HEXB: variants seen among roughly 807,000 people sequenced by gnomAD.
The protein encoded by HEXB is hexosaminidase subunit beta.
HEXB carries 51 observed loss-of-function variants against 71.2 expected under a neutral mutation model. The ratio of observed to expected loss-of-function variants is 0.72; its 90% CI spans 0.57 to 0.90. The LOEUF is 0.90. Ranked by LOEUF, HEXB falls within the 40% of genes least tolerant of loss-of-function variation. The pLI, the probability that HEXB is intolerant of heterozygous loss-of-function variation, is 0.00. For missense variants in HEXB, 617 were observed against 677.0 expected (o/e 0.91, Z 0.98); for synonymous variants, 266 against 249.3 (o/e 1.07, Z -0.63).
chr5:74,702,239 T>C (rs820836), intron 5 of HEXB, among the ~76,000 whole-genome samples: 128,717 of 148,816 alleles, frequency 0.86, 55,947 homozygotes, highest in Non-Finnish European at 0.9. Flanking sequence ...CCACTACGCC[T>C]GGCTAATTTT....
chr5:74,651,438 T>C (rs60248850), intron 1 of HEXB, among the ~76,000 whole-genome samples: 22,559 of 152,198 alleles, frequency 0.15, 2,117 homozygotes, highest in African/African-American at 0.26. Flanking sequence ...ATGCCCTTTG[T>C]TCTATACTCG....
At chr5:74,675,159 G>T (rs549096715) in intron 1 of HEXB, among the ~76,000 whole-genome samples, 1 of 152,308 alleles carries the variant, frequency 6.6e-6, no homozygotes, top group Non-Finnish European at 1.5e-5. Context: ...TCAGTGGATG[G>T]CAATTTATTA....
At chr5:74,648,336 T>C (rs1748038532) in intron 1 of HEXB, among the ~76,000 whole-genome samples, 1 of 152,208 alleles carries the variant, frequency 6.6e-6, no homozygotes, top group African/African-American at 2.4e-5. Context: ...AAAAAACATA[T>C]TTACTTTTGT....
At position 74,670,201 on chromosome 5, in the gene HEXB, T is replaced by G. The variant is rs540405791; in HGVS notation, c.-376-19127T>G. Among the ~76,000 whole-genome samples the G allele has an allele frequency of 3.7e-4, 56 of 151,812 alleles. 3 individuals carry two copies. In the South Asian group the frequency reaches 0.011, roughly 29 times the overall value. ...TCCCTAACTGGTTTTTTTTGTACAC[T>G]CTCATGCCCACCTGTGAGTGGTGCC... is the stretch of plus-strand genomic sequence containing the variant. On this transcript the variant is annotated intron_variant, in intron 1 of 13. Coordinates refer to the HEXB transcript ENST00000511181.
At chr5:74,644,202 C>A (rs372945768) in intron 1 of HEXB, among the ~76,000 whole-genome samples, 1 of 152,234 alleles carries the variant, frequency 6.6e-6, no homozygotes, top group Non-Finnish European at 1.5e-5. Flanking sequence ...CTCAGCCAAG[C>A]CTTGGCTGAC....
At position 74,689,485 on chromosome 5, in the gene HEXB, T is replaced by G. The variant is rs759628405; in HGVS notation, c.445+12T>G. On this transcript the variant is annotated intron_variant, in intron 2 of 13. Transcript: ENST00000261416. ...TTCAGATGAGTCTTGTAAGTACCTA[T>G]GCAATGTGAGTGTATTATATCCCAG... 8 of 1,611,086 alleles carry G rather than the reference T, an allele frequency of 5.0e-6. No homozygotes were observed. The highest frequency in any genetic ancestry group is 6.8e-6 in the Non-Finnish European group (8 of 1,177,212).
chr5:74,673,001 AT>A (rs35317043), intron 1 of HEXB, among the ~76,000 whole-genome samples: 2 of 151,734 alleles, frequency 1.3e-5, no homozygotes, highest in Admixed American at 6.6e-5. Context: ...ATGGATTCAG[AT>A]TTTTTTTTCT....
In HEXB at chr5:74,652,118, C is replaced by T. The variant is rs2112075925; in HGVS notation, c.-377+11560C>T. Among the ~76,000 whole-genome samples the T allele has an allele frequency of 6.6e-6, 1 of 152,316 alleles. No individual in the cohort carries two copies. The highest frequency in any genetic ancestry group is 6.5e-5 in the Admixed American group (1 of 15,306). ...TACGTGGAAATTAAAATGATGAACT[C>T]TTTTACGTGAGTAGGTAATACATAT... On this transcript the variant is annotated intron_variant, in intron 1 of 13. Transcript: ENST00000511181. This position sits in a 1 kb window ranked among gnomAD's most constrained non-coding sequence, Gnocchi z 5.4.
intron 5 of HEXB, among the ~76,000 whole-genome samples, chr5:74,699,423 C>T (rs1561219440): frequency 6.6e-6 from 1 of 151,822 alleles, no homozygotes; most frequent in Non-Finnish European, 1.5e-5. Context: ...TACAGGTGCC[C>T]ACCACCACAC....
chr5:74,679,798 C>CAAAAAAAAAAAAAAAAAA (rs70976121), intron 1 of HEXB, among the ~76,000 whole-genome samples: 1 of 38,890 alleles, frequency 2.6e-5, no homozygotes. Context: ...GACTCCGTCT[C>CAAAAAAAAAAAAAAAAAA]AAAAAAAAAA....
intron 6 of HEXB, among the ~76,000 whole-genome samples, chr5:74,707,530 A>G (rs954197212): frequency 2.0e-5 from 3 of 152,210 alleles, no homozygotes; most frequent in Non-Finnish European, 4.4e-5. Flanking sequence ...CAAAGAAGTT[A>G]AAAACTTTGA....
intron 9 of HEXB, 30 bp downstream of exon 9, chr5:74,716,703 T>C (rs1460883102): frequency 1.5e-6 from 2 of 1,323,138 alleles, no homozygotes; most frequent in South Asian, 2.4e-5. Flanking sequence ...ATTTCTGTAT[T>C]AATGCTTTTT....
chr5:74,678,450 A>G (rs10942717), intron 1 of HEXB, among the ~76,000 whole-genome samples: 22,747 of 151,978 alleles, frequency 0.15, 1,909 homozygotes, highest in East Asian at 0.27. Context: ...AATTTAGAAG[A>G]AACTATACAA....
chr5:74,708,312 AC>A (rs1561223484), intron 6 of HEXB, among the ~76,000 whole-genome samples: 2 of 152,102 alleles, frequency 1.3e-5, no homozygotes, highest in Non-Finnish European at 2.9e-5. Flanking sequence ...GAAAGGAACA[AC>A]CAGTACCAGC....
intron 2 of HEXB, among the ~76,000 whole-genome samples, chr5:74,692,791 C>A (rs980260190): frequency 2.2e-4 from 33 of 152,190 alleles, no homozygotes; most frequent in Non-Finnish European, 4.1e-4. Flanking sequence ...TTTGCCGTGG[C>A]AAAGTCCAAA....
intron 5 of HEXB, among the ~76,000 whole-genome samples, chr5:74,698,158 A>G (rs1265069957): frequency 1.3e-5 from 2 of 151,668 alleles, no homozygotes; most frequent in East Asian, 1.9e-4. Context: ...GCTCACTGCA[A>G]CCTCTGCCTG....
intron 1 of HEXB, among the ~76,000 whole-genome samples, chr5:74,642,467 C>T (rs922045133): frequency 2.6e-5 from 4 of 152,046 alleles, no homozygotes; most frequent in African/African-American, 4.8e-5. Context: ...AGATGGGAGG[C>T]GGAAATGTGT....
At chr5:74,686,386 C>T (rs1465632963) in intron 1 of HEXB, among the ~76,000 whole-genome samples, 1 of 152,172 alleles carries the variant, frequency 6.6e-6, no homozygotes, top group African/African-American at 2.4e-5. Context: ...GTCCTGAAGG[C>T]GTATCGTGCC....
At chr5:74,679,432 G>A (rs141094712) in intron 1 of HEXB, among the ~76,000 whole-genome samples, 58 of 152,128 alleles carry the variant, frequency 3.8e-4, no homozygotes, top group African/African-American at 1.4e-3. Flanking sequence ...AAGAGAATTT[G>A]TTATCTAACT....
Sources: gnomAD v4.1 joint callset for allele counts (sites outside exome capture counted in the v4.1 genomes callset) on GRCh38, gnomAD v4.1.1 for gene constraint, Gnocchi (gnomAD v3.1) non-coding constraint, MANE v1.5 for transcripts, NCBI Gene and HGNC (gene_info 2026-07-23, HGNC 2026-07-21) for gene names.